The following RASSF8 variants were observed in gnomAD, a reference collection of about 807,000 sequenced individuals.
RASSF8 encodes ras association domain-containing protein 8.
A neutral mutation model predicts 48.5 loss-of-function variants in RASSF8; 22 were observed. The ratio of observed to expected loss-of-function variants is 0.45; its 90% CI spans 0.32 to 0.65. The LOEUF (loss-of-function observed/expected upper bound fraction) is 0.65, where lower values mean the gene tolerates loss of function less well. Ranked by LOEUF, RASSF8 falls within the 30% of genes least tolerant of loss-of-function variation. The pLI is 0.03. For synonymous variants in RASSF8, 127 were observed against 171.5 expected, an observed-to-expected ratio of 0.74 and a Z score of 2.03; for missense variants, 418 against 489.2, an observed-to-expected ratio of 0.85 and a Z score of 1.37.
chr12:26,035,325 G>A (rs564041370), intron 2 of RASSF8, among the ~76,000 whole-genome samples: 263 of 149,118 alleles, frequency 1.8e-3, no homozygotes, highest in Admixed American at 4.5e-3. Flanking sequence ...AGTGTTTATT[G>A]TAAGAGAAAA....
At chr12:25,967,601 A>G (rs987591870) in intron 1 of RASSF8, among the ~76,000 whole-genome samples, 3 of 152,154 alleles carry the variant, frequency 2.0e-5, no homozygotes, top group African/African-American at 7.2e-5. Flanking sequence ...TCGAGCCTCA[A>G]GTTTCTAATG....
chr12:25,958,612 G>C (rs1941137336), upstream of RASSF8: 1 of 146,326 alleles, frequency 6.8e-6, no homozygotes, highest in African/African-American at 2.5e-5. Flanking sequence ...GCTGCCCGGC[G>C]AAGGGGCGGA....
At chr12:25,961,639 G>C (rs1941237461) in intron 1 of RASSF8, among the ~76,000 whole-genome samples, 1 of 152,068 alleles carries the variant, frequency 6.6e-6, no homozygotes, top group African/African-American at 2.4e-5. Context: ...TTGCATTTCT[G>C]GAAAATGGGG....
At chr12:26,055,194 G>T (rs1284303315) in intron 2 of RASSF8, 42 bp from the exon 3 acceptor site, 1 of 642,548 alleles carries the variant, frequency 1.6e-6, no homozygotes, top group Admixed American at 2.6e-5. Flanking sequence ...TAGAAGAAAT[G>T]TTGATTCATT....
chr12:26,061,193 A>T (rs1343413673), intron 3 of RASSF8, among the ~76,000 whole-genome samples: 5 of 152,164 alleles, frequency 3.3e-5, no homozygotes, highest in Non-Finnish European at 7.4e-5. Flanking sequence ...TTGGAGTATT[A>T]AAAAATGGTT....
chr12:26,068,874 C>A lies in RASSF8; in HGVS notation c.*56C>A. 1 of 1,523,484 alleles carries A rather than the reference C, an allele frequency of 6.6e-7. No individual in the cohort carries two copies. The highest frequency in any genetic ancestry group is 1.2e-5 in the South Asian group (1 of 82,144). The allele number at this position is 1,523,484 out of a possible 1,614,324, so 94.4% of individuals were successfully genotyped here. The stretch of plus-strand genomic sequence containing the variant: ...AGAGGTACCAAGGACAGTAAACTTC[C>A]TTTTTGATTTGTGCCAATGATGAAC... On this transcript the variant is annotated 3_prime_UTR_variant, in exon 6 of 6. Coordinates refer to ENST00000689635, the MANE Select transcript of RASSF8 (RefSeq NM_001394098.1).
At chr12:25,983,108 G>A (rs1941782351) in intron 1 of RASSF8, among the ~76,000 whole-genome samples, 1 of 152,122 alleles carries the variant, frequency 6.6e-6, no homozygotes, top group South Asian at 2.1e-4. Flanking sequence ...GATAGAACCA[G>A]CCAAAATAGT....
chr12:26,073,817 CACAT>C (rs79566683), downstream of RASSF8, among the ~76,000 whole-genome samples: 7,970 of 99,694 alleles, frequency 0.08, 280 homozygotes, highest in South Asian at 0.15. Context: ...CATATATATA[CACAT>C]ACACACACAC....
At chr12:25,964,429 C>G (rs1322160089) in intron 1 of RASSF8, among the ~76,000 whole-genome samples, 3 of 151,954 alleles carry the variant, frequency 2.0e-5, no homozygotes, top group Non-Finnish European at 4.4e-5. Context: ...AAAAAGAAAT[C>G]AGATGTAAAT....
chr12:26,035,426 A>G (rs1313394927), intron 2 of RASSF8, among the ~76,000 whole-genome samples: 2 of 34,934 alleles, frequency 5.7e-5, no homozygotes, highest in African/African-American at 9.4e-5. Context: ...AGTATATGAA[A>G]TTATATAATT....
chr12:26,076,255 A>C (rs1397087225), downstream of RASSF8, among the ~76,000 whole-genome samples: 1 of 149,848 alleles, frequency 6.7e-6, no homozygotes, highest in African/African-American at 2.5e-5. Context: ...CTGATCACAA[A>C]AATCTTTTTT....
At chr12:25,998,111 T>C (rs1419870162) in intron 2 of RASSF8, among the ~76,000 whole-genome samples, 3 of 152,192 alleles carry the variant, frequency 2.0e-5, no homozygotes, top group Non-Finnish European at 4.4e-5. Context: ...TATTGGAATT[T>C]GGTTTTCATG....
Position 26,055,267 on chromosome 12 carries a change from G to A in RASSF8, c.-77G>A, listed in dbSNP as rs1943576930. 4.3e-6 allele frequency: 5 copies of A among 1,174,194 alleles called. No homozygotes were observed. The East Asian group carries it at 7.0e-5, about 16-fold the overall frequency. The allele number at this position is 1,174,194 out of a possible 1,614,324, so 72.7% of individuals were successfully genotyped here. A position where few individuals can be genotyped will look rare whatever the true frequency, so the allele number is the denominator to read the frequency against. On this transcript the variant is annotated 5_prime_UTR_variant, in exon 3 of 6. The change creates a new upstream start codon in the 5' untranslated region. Coordinates refer to ENST00000689635, the MANE Select transcript of RASSF8 (RefSeq NM_001394098.1). Reference sequence around the variant, plus strand: ...ACACAGACTTAGTCTTCTCCACTCCGTGTTCCTGCAGCTAGAGACATGACC... The same window carrying A: ...ACACAGACTTAGTCTTCTCCACTCCATGTTCCTGCAGCTAGAGACATGACC...
intron 3 of RASSF8, among the ~76,000 whole-genome samples, chr12:26,062,401 T>C (rs1199184814): frequency 1.3e-5 from 2 of 152,266 alleles, no homozygotes. Flanking sequence ...TTTTGATAAA[T>C]GTAACTAATA....
intron 2 of RASSF8, among the ~76,000 whole-genome samples, chr12:26,015,473 A>G (rs866398481): frequency 6.6e-6 from 1 of 152,210 alleles, no homozygotes; most frequent in Non-Finnish European, 1.5e-5. Context: ...AATAGAAAAT[A>G]GTTTATGTCA....
chr12:26,024,268 T>A (rs976687872), intron 2 of RASSF8, among the ~76,000 whole-genome samples: 9 of 152,174 alleles, frequency 5.9e-5, no homozygotes, highest in African/African-American at 2.2e-4. Flanking sequence ...CCCCAAATGC[T>A]AGGATTACAG....
intron 1 of RASSF8, among the ~76,000 whole-genome samples, chr12:25,987,330 G>T (rs866004660): frequency 6.6e-6 from 1 of 152,168 alleles, no homozygotes; most frequent in Non-Finnish European, 1.5e-5. Flanking sequence ...GAGCTATGCG[G>T]TCATGCCTCT....
intron 2 of RASSF8, among the ~76,000 whole-genome samples, chr12:26,007,455 G>A (rs893522087): frequency 1.3e-5 from 2 of 152,258 alleles, no homozygotes; most frequent in African/African-American, 4.8e-5. Context: ...TAGGTAGTAA[G>A]TGGTAATAGT....
chr12:25,969,904 A>G (rs1941445284), intron 1 of RASSF8, among the ~76,000 whole-genome samples: 1 of 152,048 alleles, frequency 6.6e-6, no homozygotes, highest in Non-Finnish European at 1.5e-5. Context: ...GGCATCCTGG[A>G]TGAGAAATGC....
Sources: gnomAD v4.1 joint callset for allele counts (sites outside exome capture counted in the v4.1 genomes callset) on GRCh38, gnomAD v4.1.1 for gene constraint, MANE v1.5 for transcripts, NCBI Gene and HGNC (gene_info 2026-07-23, HGNC 2026-07-21) for gene names.